Variants in CCDC178 observed in about 807,000 individuals in gnomAD.
CCDC178 encodes the protein coiled-coil domain containing 178, also known as coiled-coil domain-containing protein 178.
CCDC178 carries 126 observed loss-of-function variants against 117.4 expected under a neutral mutation model. The ratio of observed to expected loss-of-function variants is 1.07; its 90% confidence interval spans 0.93 to 1.24. The LOEUF (loss-of-function observed/expected upper bound fraction) is 1.24. CCDC178 is among the 50% of genes most tolerant of loss of function. The probability of loss-of-function intolerance (pLI) is 0.00; values close to 1 mark genes in which losing one functional copy is unlikely to be tolerated. For missense variants in CCDC178, 1,030 were observed against 986.9 expected, an observed-to-expected ratio of 1.04 and a Z score of -0.59; for synonymous variants, 283 against 313.4, an observed-to-expected ratio of 0.90 and a Z score of 1.02.
chr18:33,162,637 T>A (rs748267431), intron 20 of CCDC178, among the ~76,000 whole-genome samples: 3 of 152,182 alleles, frequency 2.0e-5, no homozygotes, highest in Non-Finnish European at 4.4e-5. Flanking sequence ...TTTGTGTCCA[T>A]GAGTTATCAC....
At chr18:33,292,905 T>C (rs2062054382) in intron 12 of CCDC178, among the ~76,000 whole-genome samples, 1 of 152,012 alleles carries the variant, frequency 6.6e-6, no homozygotes, top group African/African-American at 2.4e-5. Context: ...TTGCCAGACC[T>C]GGGGCAGAGC....
At chr18:33,013,108 C>T (rs1320861512) in intron 21 of CCDC178, among the ~76,000 whole-genome samples, 1 of 152,112 alleles carries the variant, frequency 6.6e-6, no homozygotes, top group Non-Finnish European at 1.5e-5. Flanking sequence ...CTTATAATCT[C>T]CTAAATAAAC....
At chr18:33,003,736 A>C (rs539613129) in intron 21 of CCDC178, among the ~76,000 whole-genome samples, 2 of 152,242 alleles carry the variant, frequency 1.3e-5, no homozygotes, top group African/African-American at 4.8e-5. Flanking sequence ...GGAAGAAGTG[A>C]ATTGTTCTCA....
intron 12 of CCDC178, among the ~76,000 whole-genome samples, chr18:33,272,463 C>G (rs1485959146): frequency 6.6e-6 from 1 of 151,572 alleles, no homozygotes. Context: ...GTGAATACTA[C>G]TAGATGTTAA....
At chr18:33,123,460 C>T (rs926384204) in intron 20 of CCDC178, among the ~76,000 whole-genome samples, 4 of 152,162 alleles carry the variant, frequency 2.6e-5, no homozygotes, top group African/African-American at 9.6e-5. Context: ...TACAGACTCT[C>T]TTACTACAAA....
At chr18:33,122,874 TCAAA>T (rs1300004478) in intron 20 of CCDC178, among the ~76,000 whole-genome samples, 4 of 152,254 alleles carry the variant, frequency 2.6e-5, no homozygotes, top group Admixed American at 2.6e-4. Context: ...AAACAGTCCT[TCAAA>T]CACTCTATCC....
chr18:33,268,216 T>G (rs1202240127), intron 12 of CCDC178, among the ~76,000 whole-genome samples: 1 of 151,740 alleles, frequency 6.6e-6, no homozygotes, highest in Non-Finnish European at 1.5e-5. Context: ...ATATTGGAAA[T>G]TTGCTACCAG....
At chr18:33,363,237 T>C (rs1182106215) in intron 6 of CCDC178, among the ~76,000 whole-genome samples, 1 of 151,988 alleles carries the variant, frequency 6.6e-6, no homozygotes, top group East Asian at 1.9e-4. Context: ...GGCATGGAAG[T>C]AAACCAAATC....
At chr18:33,298,191 C>T (rs757551033) in intron 11 of CCDC178, among the ~76,000 whole-genome samples, 4 of 152,004 alleles carry the variant, frequency 2.6e-5, no homozygotes, top group Non-Finnish European at 4.4e-5. Context: ...CACTATAAGC[C>T]AATATATCTG....
chr18:33,226,739 A>G (rs1259387682), intron 16 of CCDC178, 54 bp downstream of exon 16: 17 of 1,270,026 alleles, frequency 1.3e-5, no homozygotes, highest in Admixed American at 2.0e-5. Flanking sequence ...TTAAAATGCT[A>G]AGTAAAATGC....
At position 32,942,710 on chromosome 18, in the gene CCDC178, A is replaced by T. The variant is rs753841487; in HGVS notation, c.2524-4619T>A. 2.6e-5 allele frequency among the ~76,000 whole-genome samples: 4 copies of T among 152,092 alleles called. No individual in the cohort carries two copies. In the South Asian group the frequency reaches 8.3e-4, roughly 32 times the overall value. ...TTTTTTATTCTTTTTTTTTAATCAA[A>T]TTATCTCCCAAAGCATTTTGACTGA... On this transcript the variant is annotated intron_variant, in intron 22 of 22. Transcript: ENST00000383096.
In CCDC178 at chr18:33,136,987, C is replaced by T. The variant is rs551778998; in HGVS notation, c.2239-44077G>A. 3.3e-5 allele frequency among the ~76,000 whole-genome samples: 5 copies of T among 152,228 alleles called. No individual in the cohort carries two copies. The South Asian group carries it at 8.3e-4, about 25-fold the overall frequency. ...TGAACAAACAGGCAATATCCCTGAT[C>T]CCATATCAATGTAAATATAATTTAA... is the stretch of plus-strand genomic sequence containing the variant. On this transcript the variant is annotated intron_variant, in intron 20 of 22. Transcript: ENST00000383096.
intron 2 of CCDC178, among the ~76,000 whole-genome samples, chr18:33,435,636 A>G (rs2064278264): frequency 7.3e-6 from 1 of 137,160 alleles, no homozygotes; most frequent in Non-Finnish European, 1.6e-5. Flanking sequence ...ATTAGAGGCA[A>G]AAAATGATCA....
intron 7 of CCDC178, among the ~76,000 whole-genome samples, chr18:33,353,067 T>C (rs1216411350): frequency 2.0e-5 from 3 of 152,124 alleles, no homozygotes; most frequent in Admixed American, 2.0e-4. Context: ...TGTTAGTTTA[T>C]ATGTCTGTTT....
chr18:33,175,034 ATTT>A (rs548936835), intron 20 of CCDC178, among the ~76,000 whole-genome samples: 20 of 147,436 alleles, frequency 1.4e-4, no homozygotes, highest in African/African-American at 4.9e-4. Context: ...TTATTTTTTT[ATTT>A]TTTTATTTTT....
intron 14 of CCDC178, among the ~76,000 whole-genome samples, chr18:33,255,845 T>C (rs1049172846): frequency 4.6e-5 from 7 of 151,906 alleles, no homozygotes; most frequent in Non-Finnish European, 8.8e-5. Flanking sequence ...CTAGGATTCC[T>C]GAAAAGAACA....
At chr18:33,350,131 A>G (rs2062954554) in intron 7 of CCDC178, among the ~76,000 whole-genome samples, 1 of 152,046 alleles carries the variant, frequency 6.6e-6, no homozygotes, top group African/African-American at 2.4e-5. Flanking sequence ...TCCCAGCATC[A>G]ACTATTAAAT....
intron 4 of CCDC178, among the ~76,000 whole-genome samples, chr18:33,395,800 T>C (rs1362726610): frequency 6.6e-6 from 1 of 151,990 alleles, no homozygotes; most frequent in African/African-American, 2.4e-5. Flanking sequence ...AAAACAAAGG[T>C]AGACACCATA....
At chr18:33,101,732 A>G (rs769275683) in intron 20 of CCDC178, among the ~76,000 whole-genome samples, 14 of 151,988 alleles carry the variant, frequency 9.2e-5, no homozygotes, top group South Asian at 6.2e-4. Context: ...AATTGTAAGA[A>G]CAGTACCTAG....
Sources: allele counts gnomAD v4.1 joint callset (sites outside exome capture counted in the v4.1 genomes callset), GRCh38; gene constraint gnomAD v4.1.1; transcripts MANE v1.5; gene names NCBI Gene and HGNC (gene_info 2026-07-23, HGNC 2026-07-21).